DPP6: variants seen among roughly 807,000 people sequenced by gnomAD.
DPP6 encodes dipeptidyl peptidase like 6.
DPP6 carries 69 observed loss-of-function variants against 122.6 expected under a neutral mutation model. The observed-to-expected ratio is 0.56, with a 90% CI of 0.46 to 0.69. The LOEUF (loss-of-function observed/expected upper bound fraction) is 0.69, where lower values mean the gene tolerates loss of function less well. Ranked by LOEUF, DPP6 falls within the 30% of genes least tolerant of loss-of-function variation. The pLI is 0.00. For missense variants in DPP6, 928 were observed against 1,116.9 expected (o/e 0.83, Z 2.41); for synonymous variants, 418 against 433.1 (o/e 0.97, Z 0.43).
chr7:153,882,902 G>C (rs1285420586), upstream of DPP6, among the ~76,000 whole-genome samples: 1 of 152,170 alleles, frequency 6.6e-6, no homozygotes, highest in East Asian at 1.9e-4. Context: ...AGATTCCATG[G>C]GGCTTAGGTG....
intron 1 of DPP6, among the ~76,000 whole-genome samples, chr7:153,976,020 A>C (rs1796281665): frequency 6.6e-6 from 1 of 152,184 alleles, no homozygotes; most frequent in South Asian, 2.1e-4. Flanking sequence ...AATTTCATTT[A>C]CTATCATTCT....
intron 1 of DPP6, among the ~76,000 whole-genome samples, chr7:154,415,339 A>G (rs1816934889): frequency 6.6e-6 from 1 of 152,200 alleles, no homozygotes; most frequent in African/African-American, 2.4e-5. Context: ...CTCAGAATTA[A>G]GAAGGTAAAA....
rs1843639638 is a variant in DPP6 at position 154,755,879 on chromosome 7, C to T, written c.884-13538C>T. On this transcript the variant is annotated intron_variant, in intron 8 of 25. Coordinates refer to ENST00000377770, the MANE Select transcript of DPP6 (RefSeq NM_130797.4). The surrounding 1 kb of genome is among the most constrained non-coding windows in gnomAD (Gnocchi z 4.7). ...TGTCTTCATCGTGTGTCTTGGGTCC[C>T]CCTTCGTAATGATACTGTCCTCACC... 1.3e-5 allele frequency among the ~76,000 whole-genome samples: 2 copies of T among 152,096 alleles called. 1 individual carries two copies. Among genetic ancestry groups the T allele is most frequent in the South Asian group, 4.2e-4 (2 of 4,814 alleles).
intron 6 of DPP6, among the ~76,000 whole-genome samples, chr7:154,666,438 T>G (rs988148786): frequency 4.6e-5 from 7 of 152,136 alleles, no homozygotes; most frequent in African/African-American, 1.7e-4. Flanking sequence ...GTATACATTA[T>G]GAAATTATTA....
At chr7:154,183,665 A>C (rs1464324752) in intron 1 of DPP6, among the ~76,000 whole-genome samples, 1 of 152,146 alleles carries the variant, frequency 6.6e-6, no homozygotes, top group Non-Finnish European at 1.5e-5. Flanking sequence ...ATCAGGTTCT[A>C]AGATCTGCCT....
chr7:154,234,867 C>A (rs2150859033), intron 1 of DPP6, among the ~76,000 whole-genome samples: 1 of 152,290 alleles, frequency 6.6e-6, no homozygotes, highest in Non-Finnish European at 1.5e-5. Flanking sequence ...CCACCTCACA[C>A]AGCCCCTGCA....
At chr7:153,934,855 A>G (rs75796446) in intron 1 of DPP6, among the ~76,000 whole-genome samples, 10,147 of 152,314 alleles carry the variant, frequency 0.067, 361 homozygotes, top group African/African-American at 0.087. Flanking sequence ...TATGGTGACC[A>G]GGATGGATCC....
chr7:154,590,309 T>G (rs1219682422), intron 5 of DPP6, among the ~76,000 whole-genome samples: 1 of 151,990 alleles, frequency 6.6e-6, no homozygotes, highest in African/African-American at 2.4e-5. Flanking sequence ...GAAATCTATT[T>G]TTTATTATTC....
chr7:153,883,473 C>G (rs961406743), upstream of DPP6, among the ~76,000 whole-genome samples: 1 of 152,110 alleles, frequency 6.6e-6, no homozygotes, highest in Non-Finnish European at 1.5e-5. Flanking sequence ...ACCTCCGCCT[C>G]CCGGGTTCAA....
At chr7:154,303,530 A>G (rs532160930) in intron 1 of DPP6, among the ~76,000 whole-genome samples, 1 of 152,114 alleles carries the variant, frequency 6.6e-6, no homozygotes, top group South Asian at 2.1e-4. Flanking sequence ...TCCTACCAAC[A>G]CTGATAAGAA....
rs138860668 is a variant in DPP6 at position 154,811,337 on chromosome 7, T to C, written c.1666+4225T>C. ...TGGCAGACCCTGAAGCTGAGCCTCG[T>C]CCTGCCATGGGGAAAGCTGAGCAGG... On this transcript the variant is annotated intron_variant, in intron 16 of 25. Coordinates refer to ENST00000377770, the MANE Select transcript of DPP6 (RefSeq NM_130797.4). 8.3e-3 allele frequency among the ~76,000 whole-genome samples: 1,263 copies of C among 152,330 alleles called. 14 individuals are homozygous for C. The highest frequency in any genetic ancestry group is 0.027 in the Middle Eastern group (8 of 294).
the DPP6 span, among the ~76,000 whole-genome samples, chr7:153,875,896 C>CA: frequency 3.4e-5 from 2 of 59,226 alleles, no homozygotes; most frequent in Admixed American, 1.8e-4. Context: ...AGGCAGCTCA[C>CA]AAAAAAAGCT....
chr7:154,286,615 G>A (rs1194988736), intron 1 of DPP6, among the ~76,000 whole-genome samples: 2 of 152,064 alleles, frequency 1.3e-5, no homozygotes, highest in African/African-American at 4.8e-5. Flanking sequence ...TGACCTTTGA[G>A]TCCAGACATC....
the DPP6 span, among the ~76,000 whole-genome samples, chr7:153,859,094 A>G: frequency 6.6e-6 from 1 of 152,210 alleles, no homozygotes; most frequent in Non-Finnish European, 1.5e-5. Context: ...ATCAGAAAGT[A>G]AAAAGCTGTT....
At position 154,486,617 on chromosome 7, in the gene DPP6, T is replaced by G. The variant is rs1823820306; in HGVS notation, c.457+11580T>G. Reference sequence around the variant, plus strand: ...TGATTTTCCAAATTAGAATTAGTTGTGTACTCCACGATACCGCAGTAGAAC... The same window carrying G: ...TGATTTTCCAAATTAGAATTAGTTGGGTACTCCACGATACCGCAGTAGAAC... On this transcript the variant is annotated intron_variant, in intron 3 of 25. Transcript: ENST00000377770. The surrounding 1 kb of genome is among the most constrained non-coding windows in gnomAD (Gnocchi z 4.5). Among the ~76,000 whole-genome samples the G allele has an allele frequency of 2.6e-5, 4 of 152,258 alleles. No homozygotes were observed. The highest frequency in any genetic ancestry group is 2.0e-4 in the Admixed American group (3 of 15,290).
intron 3 of DPP6, among the ~76,000 whole-genome samples, chr7:154,508,483 T>A (rs190627413): frequency 6.6e-6 from 1 of 152,186 alleles, no homozygotes; most frequent in African/African-American, 2.4e-5. Flanking sequence ...CAGGAAGTTT[T>A]CAGGGGCTGG....
chr7:154,269,049 A>G (rs1803619879), intron 1 of DPP6, among the ~76,000 whole-genome samples: 1 of 150,654 alleles, frequency 6.6e-6, no homozygotes, highest in Admixed American at 6.7e-5. Context: ...TCCTAAGTAT[A>G]TGTTTTTTTT....
intron 1 of DPP6, among the ~76,000 whole-genome samples, chr7:154,248,207 A>G (rs1195153801): frequency 6.6e-6 from 1 of 152,148 alleles, no homozygotes; most frequent in African/African-American, 2.4e-5. Flanking sequence ...TCCAAATACC[A>G]TCACAATGGG....
intron 4 of DPP6, among the ~76,000 whole-genome samples, chr7:154,544,140 T>TTA (rs1029678022): frequency 3.4e-5 from 5 of 145,600 alleles, no homozygotes; most frequent in African/African-American, 9.9e-5. Flanking sequence ...TATATGTATT[T>TTA]TATATATATA....
Sources: gnomAD v4.1 joint callset for allele counts (sites outside exome capture counted in the v4.1 genomes callset) on GRCh38, gnomAD v4.1.1 for gene constraint, Gnocchi (gnomAD v3.1) non-coding constraint, MANE v1.5 for transcripts, NCBI Gene and HGNC (gene_info 2026-07-23, HGNC 2026-07-21) for gene names.